Variants in MYO1D observed in about 807,000 individuals in gnomAD.
The protein encoded by MYO1D is myosin ID.
A neutral mutation model predicts 122.0 loss-of-function variants in MYO1D; 83 were observed. The observed-to-expected ratio is 0.68, with a 90% CI of 0.57 to 0.82. The LOEUF (loss-of-function observed/expected upper bound fraction) is 0.82, where lower values mean the gene tolerates loss of function less well. Ranked by LOEUF, MYO1D falls within the 40% of genes least tolerant of loss-of-function variation. The pLI is 0.00. For missense variants in MYO1D, 1,157 were observed against 1,269.5 expected, an observed-to-expected ratio of 0.91 and a Z score of 1.35; for synonymous variants, 464 against 446.9, an observed-to-expected ratio of 1.04 and a Z score of -0.48.
At chr17:32,632,563 C>A (rs1488548790) in intron 20 of MYO1D, 1 of 115,372 alleles carries the variant, frequency 8.7e-6, no homozygotes, top group Non-Finnish European at 1.7e-5. Flanking sequence ...AACTTAAGTA[C>A]TATATATATA....
At chr17:32,536,579 A>G (rs1237210425) in intron 21 of MYO1D, among the ~76,000 whole-genome samples, 2 of 152,344 alleles carry the variant, frequency 1.3e-5, no homozygotes, top group African/African-American at 4.8e-5. Context: ...GTGCTGGCTT[A>G]AATTCCTAAG....
At chr17:32,587,513 A>C (rs1282175745) in intron 21 of MYO1D, among the ~76,000 whole-genome samples, 1 of 78,546 alleles carries the variant, frequency 1.3e-5, no homozygotes, top group Non-Finnish European at 3.0e-5. Flanking sequence ...ACTCCGTTTC[A>C]AAAAAAAAAA....
intron 20 of MYO1D, among the ~76,000 whole-genome samples, chr17:32,612,200 C>A (rs1034693811): frequency 6.6e-6 from 1 of 152,170 alleles, no homozygotes; most frequent in South Asian, 2.1e-4. Context: ...CAAAAATATA[C>A]CCTGTTTATA....
chr17:32,759,980 C>T, intron 10 of MYO1D: 1 of 552,720 alleles, frequency 1.8e-6, no homozygotes, highest in Non-Finnish European at 3.2e-6. Flanking sequence ...TAAGGTATAA[C>T]TTAATAAAGT....
At chr17:32,733,808 A>G (rs2089667019) in intron 14 of MYO1D, among the ~76,000 whole-genome samples, 5 of 152,148 alleles carry the variant, frequency 3.3e-5, no homozygotes, top group Non-Finnish European at 7.4e-5. Flanking sequence ...TCGTTAGTTC[A>G]TGGCTAGATT....
chr17:32,571,581 T>C (rs2087228576), intron 21 of MYO1D, among the ~76,000 whole-genome samples: 2 of 152,196 alleles, frequency 1.3e-5, no homozygotes, highest in Admixed American at 6.5e-5. Context: ...GAAACTTCTA[T>C]AAGTCAAGAA....
Position 32,721,142 on chromosome 17 carries a change from T to C in MYO1D, c.1794A>G (p.Pro598=). ...GGCAGCGTTCATCATCAAATATCTG[T>C]GGAGATTTCTTGTCATTGGGTTTGA... ...RCIKPNDKKS[P]QIFDDERCRH... The change falls in exon 15 of 22, where the codon CCA becomes CCG. Residue 598 remains proline, a synonymous_variant. Transcript: ENST00000318217. 6.2e-7 allele frequency: 1 copy of C among 1,614,130 alleles called. No individual in the cohort carries two copies. The highest frequency in any genetic ancestry group is 8.5e-7 in the Non-Finnish European group (1 of 1,179,988).
At chr17:32,762,282 AG>A (rs1360561847) in intron 8 of MYO1D, among the ~76,000 whole-genome samples, 2 of 152,142 alleles carry the variant, frequency 1.3e-5, no homozygotes, top group African/African-American at 4.8e-5. Context: ...GGCTGAAGAA[AG>A]GGGGGCTGGG....
chr17:32,747,998 GA>G, intron 12 of MYO1D, among the ~76,000 whole-genome samples: 1 of 152,316 alleles, frequency 6.6e-6, no homozygotes, highest in South Asian at 2.1e-4. Flanking sequence ...GGAACCTCCA[GA>G]GAGAGTGTGG....
chr17:32,806,505 C>G (rs902977965), intron 1 of MYO1D, among the ~76,000 whole-genome samples: 1 of 152,218 alleles, frequency 6.6e-6, no homozygotes, highest in African/African-American at 2.4e-5. Context: ...CTGGGGACTA[C>G]AGGTGCATGC....
chr17:32,525,008 C>T (rs917265337), intron 21 of MYO1D, among the ~76,000 whole-genome samples: 3 of 152,230 alleles, frequency 2.0e-5, no homozygotes, highest in Admixed American at 2.0e-4. Flanking sequence ...TAGCCTACAT[C>T]TCGTTACTTT....
At chr17:32,650,774 C>T (rs2088377684) in intron 19 of MYO1D, among the ~76,000 whole-genome samples, 1 of 151,964 alleles carries the variant, frequency 6.6e-6, no homozygotes, top group Non-Finnish European at 1.5e-5. Context: ...GTTTATTTAA[C>T]ATGTTAAATC....
At chr17:32,779,741 A>G (rs1406601170) in intron 2 of MYO1D, among the ~76,000 whole-genome samples, 1 of 152,114 alleles carries the variant, frequency 6.6e-6, no homozygotes, top group Non-Finnish European at 1.5e-5. Flanking sequence ...CTAGGATATA[A>G]TTTTCTAACT....
intron 21 of MYO1D, among the ~76,000 whole-genome samples, chr17:32,568,724 C>T (rs2087196255): frequency 6.6e-6 from 1 of 152,200 alleles, no homozygotes; most frequent in Admixed American, 6.5e-5. Flanking sequence ...TGACTCTTCC[C>T]CACCCAGATC....
intron 16 of MYO1D, among the ~76,000 whole-genome samples, chr17:32,691,961 T>C (rs1193697800): frequency 1.3e-5 from 2 of 152,162 alleles, no homozygotes; most frequent in Admixed American, 1.3e-4. Context: ...TTGCTGGCCA[T>C]TTTTCTTCTT....
chr17:32,531,784 A>C (rs923431217), intron 21 of MYO1D, among the ~76,000 whole-genome samples: 1 of 152,262 alleles, frequency 6.6e-6, no homozygotes, highest in African/African-American at 2.4e-5. Flanking sequence ...CATGATCAGC[A>C]TGGGGAAGTG....
At chr17:32,651,375 C>G (rs2088385279) in intron 19 of MYO1D, among the ~76,000 whole-genome samples, 1 of 152,170 alleles carries the variant, frequency 6.6e-6, no homozygotes, top group Non-Finnish European at 1.5e-5. Flanking sequence ...AGAGTTTTCT[C>G]TCTGTGCAAC....
chr17:32,513,821 ATTTC>A (rs1281331722), intron 21 of MYO1D, among the ~76,000 whole-genome samples: 48 of 150,776 alleles, frequency 3.2e-4, no homozygotes, highest in Middle Eastern at 3.4e-3. Flanking sequence ...ACGCCTTAAG[ATTTC>A]TTTCTTTCTT....
At chr17:32,756,150 A>T in intron 10 of MYO1D, 1 of 218,038 alleles carries the variant, frequency 4.6e-6, no homozygotes. Flanking sequence ...AGTTCTAGAA[A>T]TTTTGTGCAA....
Sources: gnomAD v4.1 joint callset for allele counts (sites outside exome capture counted in the v4.1 genomes callset) on GRCh38, gnomAD v4.1.1 for gene constraint, MANE v1.5 for transcripts, NCBI Gene and HGNC (gene_info 2026-07-23, HGNC 2026-07-21) for gene names.